The following MACROD2 variants were observed in gnomAD, a reference collection of about 807,000 sequenced individuals.
MACROD2 encodes ADP-ribose glycohydrolase MACROD2.
Under a neutral mutation model 70.4 loss-of-function variants are expected in MACROD2, and 36 were observed. The ratio of observed to expected loss-of-function variants is 0.51; its 90% CI spans 0.39 to 0.68. MACROD2 has a LOEUF of 0.68. MACROD2 is among the 30% of genes least tolerant of loss of function. The probability of loss-of-function intolerance (pLI) is 0.00; values close to 1 mark genes in which losing one functional copy is unlikely to be tolerated. For synonymous variants in MACROD2, 172 were observed against 178.8 expected (o/e 0.96, Z 0.30); for missense variants, 496 against 538.4 (o/e 0.92, Z 0.78).
chr20:15,282,094 G>A (rs2077450845), intron 6 of MACROD2, among the ~76,000 whole-genome samples: 2 of 152,204 alleles, frequency 1.3e-5, no homozygotes, highest in South Asian at 4.1e-4. Context: ...CCATGGCTGG[G>A]ACTCAAGGCA....
intron 6 of MACROD2, among the ~76,000 whole-genome samples, chr20:15,415,699 A>G (rs1262641311): frequency 6.6e-6 from 1 of 152,212 alleles, no homozygotes; most frequent in Non-Finnish European, 1.5e-5. Flanking sequence ...GTGGCGGCTA[A>G]AAGTATTCAT....
chr20:14,411,179 A>G (rs374958659), intron 3 of MACROD2, among the ~76,000 whole-genome samples: 2 of 152,172 alleles, frequency 1.3e-5, no homozygotes, highest in South Asian at 4.1e-4. Context: ...TCTAGTGACC[A>G]TAGGGCTTCT....
chr20:14,583,849 A>G (rs1981199508), intron 4 of MACROD2, among the ~76,000 whole-genome samples: 1 of 152,190 alleles, frequency 6.6e-6, no homozygotes, highest in South Asian at 2.1e-4. Context: ...GACAGAGTGA[A>G]CAGACCTGAG....
intron 6 of MACROD2, among the ~76,000 whole-genome samples, chr20:15,408,202 A>T (rs968728928): frequency 6.6e-6 from 1 of 152,264 alleles, no homozygotes; most frequent in Non-Finnish European, 1.5e-5. Context: ...ACAATGCCAT[A>T]GGCAGAATGT....
chr20:14,417,066 CATCT>C (rs11405633), intron 3 of MACROD2, among the ~76,000 whole-genome samples: 12,520 of 132,460 alleles, frequency 0.095, 671 homozygotes, highest in East Asian at 0.16. Context: ...ATCTATCTAT[CATCT>C]ATCTATCTAT....
intron 5 of MACROD2, among the ~76,000 whole-genome samples, chr20:15,121,697 A>G (rs2076032278): frequency 6.6e-6 from 1 of 152,192 alleles, no homozygotes; most frequent in South Asian, 2.1e-4. Context: ...CTTCATTTTA[A>G]ACATAAAATT....
intron 8 of MACROD2, among the ~76,000 whole-genome samples, chr20:15,631,380 G>A (rs1409954900): frequency 1.3e-5 from 2 of 152,084 alleles, no homozygotes; most frequent in Non-Finnish European, 2.9e-5. Context: ...TTTAATGAAC[G>A]CAGGCAGAAA....
At chr20:15,386,765 G>A (rs1452275687) in intron 6 of MACROD2, among the ~76,000 whole-genome samples, 1 of 152,144 alleles carries the variant, frequency 6.6e-6, no homozygotes, top group Non-Finnish European at 1.5e-5. Flanking sequence ...AATAAAAGTG[G>A]TGCCACAGGC....
intron 9 of MACROD2, 49 bp downstream of exon 9, chr20:15,862,875 TG>T: frequency 7.2e-6 from 10 of 1,388,562 alleles, no homozygotes; most frequent in South Asian, 1.2e-5. Context: ...ATGGAAGAAG[TG>T]GAGCCGTCAC....
intron 13 of MACROD2, among the ~76,000 whole-genome samples, chr20:15,968,589 C>A (rs2066177441): frequency 6.6e-6 from 1 of 151,188 alleles, no homozygotes; most frequent in African/African-American, 2.4e-5. Flanking sequence ...TGAAATAACC[C>A]TTCATAATTA....
At chr20:14,293,138 A>G (rs1336996293) in intron 3 of MACROD2, among the ~76,000 whole-genome samples, 4 of 151,736 alleles carry the variant, frequency 2.6e-5, no homozygotes, top group Admixed American at 6.6e-5. Flanking sequence ...AATTTGTACA[A>G]ACTTAAACAT....
At chr20:15,426,675 G>C (rs117660372) in intron 6 of MACROD2, among the ~76,000 whole-genome samples, 6,505 of 151,782 alleles carry the variant, frequency 0.043, 184 homozygotes, top group Middle Eastern at 0.075. Context: ...GGCCTGATTA[G>C]CATGGAGACA....
intron 8 of MACROD2, among the ~76,000 whole-genome samples, chr20:15,557,148 T>C (rs1390577380): frequency 6.6e-6 from 1 of 152,136 alleles, no homozygotes; most frequent in Non-Finnish European, 1.5e-5. Context: ...TCTCTGCATT[T>C]CTTCATTCAA....
intron 6 of MACROD2, among the ~76,000 whole-genome samples, chr20:15,346,969 G>A (rs193212692): frequency 4.6e-5 from 7 of 152,276 alleles, no homozygotes; most frequent in African/African-American, 1.4e-4. Context: ...TGCATGGTCA[G>A]GTGCTAGAGA....
At chr20:15,533,484 T>C (rs2047831284) in intron 8 of MACROD2, among the ~76,000 whole-genome samples, 1 of 152,022 alleles carries the variant, frequency 6.6e-6, no homozygotes, top group African/African-American at 2.4e-5. Context: ...TTAGAGTTAT[T>C]TCAGACAACA....
intron 4 of MACROD2, among the ~76,000 whole-genome samples, chr20:14,555,400 G>T (rs1006098144): frequency 6.6e-6 from 1 of 151,980 alleles, no homozygotes. Flanking sequence ...GCTCCTCCAA[G>T]TTCCACTGTT....
intron 3 of MACROD2, among the ~76,000 whole-genome samples, chr20:14,280,136 T>C (rs1013320539): frequency 2.0e-5 from 3 of 152,162 alleles, no homozygotes; most frequent in African/African-American, 7.2e-5. Flanking sequence ...AGAACTTTAA[T>C]TTATCACATA....
rs533919404 is a variant in MACROD2, at chr20:15,635,796, G to A, written c.645+135949G>A. Among the ~76,000 whole-genome samples the A allele has an allele frequency of 8.6e-5, 13 of 151,694 alleles. No individual in the cohort carries two copies. In the East Asian group the frequency reaches 2.2e-3, roughly 25 times the overall value. On this transcript the variant is annotated intron_variant, in intron 8 of 17. Coordinates refer to ENST00000684519, the MANE Select transcript of MACROD2 (RefSeq NM_001351661.2). ...GAAATCCCCAAGGGCAGCTGGGCAC[G>A]GTGGCTCACACCTGTAATCCCAGCG...
chr20:14,321,317 A>G (rs1359288792), intron 3 of MACROD2, among the ~76,000 whole-genome samples: 1 of 151,972 alleles, frequency 6.6e-6, no homozygotes, highest in Non-Finnish European at 1.5e-5. Context: ...GTGAGCCAAG[A>G]TTGTGCCACT....
Sources: gnomAD v4.1 joint callset for allele counts (sites outside exome capture counted in the v4.1 genomes callset) on GRCh38, gnomAD v4.1.1 for gene constraint, MANE v1.5 for transcripts, NCBI Gene and HGNC (gene_info 2026-07-23, HGNC 2026-07-21) for gene names.